Variants in MPP7 observed in about 807,000 individuals in gnomAD.
MPP7 encodes MAGUK p55 subfamily member 7.
In MPP7, 60 loss-of-function variants were observed where a neutral mutation model predicts 76.5. The observed-to-expected ratio is 0.78, with a 90% CI of 0.64 to 0.97. The LOEUF is 0.97. MPP7 is among the 50% of genes least tolerant of loss of function. MPP7 has a pLI of 0.00. For synonymous variants in MPP7, 237 were observed against 244.5 expected (o/e 0.97, Z 0.29); for missense variants, 641 against 694.0 (o/e 0.92, Z 0.86).
intron 11 of MPP7, among the ~76,000 whole-genome samples, chr10:28,097,652 T>C (rs1033021590): frequency 4.6e-5 from 7 of 152,144 alleles, no homozygotes; most frequent in African/African-American, 1.7e-4. Context: ...TTATGTTAGG[T>C]ATGAAATAAT....
chr10:28,132,518 C>T (rs1020081505), intron 5 of MPP7, among the ~76,000 whole-genome samples: 5 of 152,168 alleles, frequency 3.3e-5, no homozygotes, highest in African/African-American at 7.2e-5. Flanking sequence ...ACAACCTCAA[C>T]GCCTAGGCTC....
At chr10:28,327,867 C>T (rs1166096025) in intron 2 of MPP7, among the ~76,000 whole-genome samples, 7 of 152,120 alleles carry the variant, frequency 4.6e-5, no homozygotes, top group South Asian at 2.1e-4. Flanking sequence ...AGAAAGAGCT[C>T]GGATAATAAC....
At position 28,073,771 on chromosome 10, in the gene MPP7, G is replaced by GA. The variant is rs550793121; in HGVS notation, c.1124-3920dup. Among the ~76,000 whole-genome samples the GA allele has an allele frequency of 6.3e-3, 946 of 148,978 alleles. 5 individuals carry two copies. The highest frequency in any genetic ancestry group is 0.015 in the South Asian group (72 of 4,688). Reference sequence around the variant, plus strand: ...GTGACAGAGTGAGACTGCATCTCAAGAAAAAAAAAATATTTTTTTTTTACC... The same window carrying GA: ...GTGACAGAGTGAGACTGCATCTCAAGAAAAAAAAAAATATTTTTTTTTTACC... On this transcript the variant is annotated intron_variant, in intron 12 of 16. Coordinates refer to ENST00000683449, the MANE Select transcript of MPP7 (RefSeq NM_001318170.2).
intron 3 of MPP7, among the ~76,000 whole-genome samples, chr10:28,151,087 C>G (rs1341677187): frequency 6.6e-6 from 1 of 152,082 alleles, no homozygotes; most frequent in African/African-American, 2.4e-5. Context: ...GTAATACACT[C>G]TTTAATTATA....
At chr10:28,204,143 G>A (rs1471734381) in intron 2 of MPP7, among the ~76,000 whole-genome samples, 1 of 152,048 alleles carries the variant, frequency 6.6e-6, no homozygotes, top group Non-Finnish European at 1.5e-5. Context: ...CTACAGGTGT[G>A]GTAAAATCGC....
intron 2 of MPP7, among the ~76,000 whole-genome samples, chr10:28,234,976 T>C (rs1190921633): frequency 6.6e-6 from 1 of 152,112 alleles, no homozygotes; most frequent in African/African-American, 2.4e-5. Context: ...ATGGCCCTAA[T>C]TTTTTGTATT....
intron 1 of MPP7, among the ~76,000 whole-genome samples, chr10:28,248,901 C>A (rs12573451): frequency 6.6e-6 from 1 of 152,028 alleles, no homozygotes; most frequent in Non-Finnish European, 1.5e-5. Flanking sequence ...CCACAAGGAC[C>A]AAGTCGCCTA....
intron 11 of MPP7, among the ~76,000 whole-genome samples, chr10:28,109,848 C>CAAAAAAAAAAAAAAAA (rs869206744): frequency 4.7e-4 from 9 of 19,216 alleles, no homozygotes; most frequent in East Asian, 1.7e-3. Flanking sequence ...GCCGCAGACG[C>CAAAAAAAAAAAAAAAA]AAAAAAAAAA....
intron 2 of MPP7, among the ~76,000 whole-genome samples, chr10:28,315,196 G>A (rs11007013): frequency 0.079 from 11,387 of 143,740 alleles, 953 homozygotes; most frequent in East Asian, 0.44. Context: ...AGGAGGGAAG[G>A]AAGGAAGGAA....
chr10:28,195,628 AG>A (rs1223950767), intron 3 of MPP7, among the ~76,000 whole-genome samples: 1 of 152,244 alleles, frequency 6.6e-6, no homozygotes, highest in African/African-American at 2.4e-5. Context: ...GACAGAAGTC[AG>A]TTACAAAAAA....
At chr10:28,182,866 T>G (rs1054226858) in intron 3 of MPP7, among the ~76,000 whole-genome samples, 4 of 151,798 alleles carry the variant, frequency 2.6e-5, no homozygotes, top group Admixed American at 1.3e-4. Flanking sequence ...TCACCTGAGG[T>G]CAGGAGTTCG....
intron 12 of MPP7, among the ~76,000 whole-genome samples, chr10:28,070,268 G>A (rs559994088): frequency 1.3e-5 from 2 of 152,158 alleles, no homozygotes; most frequent in South Asian, 2.1e-4. Context: ...GCATGGTGGC[G>A]GGTGCCTGTA....
intron 1 of MPP7, among the ~76,000 whole-genome samples, chr10:28,249,130 AATATT>A (rs1234698872): frequency 1.3e-5 from 2 of 151,616 alleles, no homozygotes; most frequent in Non-Finnish European, 2.9e-5. Context: ...TAGCTATGAT[AATATT>A]ATATATTTTA....
At chr10:28,293,274 C>T (rs959575938) in intron 1 of MPP7, among the ~76,000 whole-genome samples, 5 of 152,022 alleles carry the variant, frequency 3.3e-5, no homozygotes, top group Admixed American at 1.3e-4. Context: ...CGAACTCAAC[C>T]GAGGAAAAAC....
chr10:28,068,980 C>T (rs11006834), intron 13 of MPP7, among the ~76,000 whole-genome samples: 16,278 of 152,194 alleles, frequency 0.11, 1,589 homozygotes, highest in East Asian at 0.5. Flanking sequence ...GCCTTGGTTT[C>T]CTCCTCTGTA....
intron 2 of MPP7, among the ~76,000 whole-genome samples, chr10:28,208,559 T>C (rs1838022852): frequency 6.6e-6 from 1 of 152,100 alleles, no homozygotes; most frequent in African/African-American, 2.4e-5. Context: ...CTCCCACAAG[T>C]GCTGTTAGAA....
intron 4 of MPP7, among the ~76,000 whole-genome samples, chr10:28,147,792 G>C (rs1242055309): frequency 6.6e-6 from 1 of 152,196 alleles, no homozygotes; most frequent in East Asian, 1.9e-4. Context: ...AATCGTATCA[G>C]CCAGATCACC....
intron 8 of MPP7, 127 bp downstream of exon 8, chr10:28,123,904 G>T: frequency 1.5e-6 from 1 of 646,856 alleles, no homozygotes; most frequent in South Asian, 1.8e-5. Context: ...GAACACACAG[G>T]GATTAAGTGT....
intron 5 of MPP7, among the ~76,000 whole-genome samples, chr10:28,143,902 T>TGTGTGA (rs1303829355): frequency 3.9e-5 from 5 of 127,696 alleles, no homozygotes; most frequent in African/African-American, 6.4e-5. Flanking sequence ...TGTGTGTGTG[T>TGTGTGA]GAGACTGAGT....
Sources: gnomAD v4.1 joint callset for allele counts (sites outside exome capture counted in the v4.1 genomes callset) on GRCh38, gnomAD v4.1.1 for gene constraint, MANE v1.5 for transcripts, NCBI Gene and HGNC (gene_info 2026-07-23, HGNC 2026-07-21) for gene names.